The following ZNF618 variants were observed in gnomAD, a reference collection of about 807,000 sequenced individuals.
The protein encoded by ZNF618 is neural precursor cell expressed, developmentally down-regulated 10.
ZNF618 carries 34 observed loss-of-function variants against 103.0 expected under a neutral mutation model. The observed-to-expected ratio is 0.33, with a 90% confidence interval of 0.25 to 0.44. The LOEUF (loss-of-function observed/expected upper bound fraction) is 0.44, where lower values mean the gene tolerates loss of function less well. Among genes scored for constraint, ZNF618 ranks in the 20% least tolerant of loss-of-function variants. ZNF618 has a pLI of 1.00. For synonymous variants in ZNF618, 551 were observed against 542.2 expected (o/e 1.02, Z -0.23); for missense variants, 1,059 against 1,295.4 (o/e 0.82, Z 2.80).
intron 1 of ZNF618, among the ~76,000 whole-genome samples, chr9:113,923,022 G>A (rs1226629067): frequency 1.3e-5 from 2 of 151,882 alleles, no homozygotes; most frequent in Non-Finnish European, 2.9e-5. Flanking sequence ...TACATGTTTT[G>A]TTAAGTATTT....
At chr9:114,020,832 G>A (rs545182417) in intron 10 of ZNF618, among the ~76,000 whole-genome samples, 8 of 151,808 alleles carry the variant, frequency 5.3e-5, no homozygotes, top group Admixed American at 3.3e-4. Context: ...CCAGTACAAT[G>A]TTGAATAGAA....
intron 13 of ZNF618, among the ~76,000 whole-genome samples, chr9:114,046,490 A>G (rs1845666234): frequency 6.6e-6 from 1 of 152,194 alleles, no homozygotes. Context: ...GTGTAAGTAC[A>G]CTTTATGATG....
intron 13 of ZNF618, among the ~76,000 whole-genome samples, chr9:114,043,913 C>A (rs1845431927): frequency 6.6e-6 from 1 of 151,986 alleles, no homozygotes; most frequent in Non-Finnish European, 1.5e-5. Flanking sequence ...TTTGTTCTTG[C>A]TGATTTGTTT....
chr9:113,926,620 G>T (rs1189263659), intron 1 of ZNF618, among the ~76,000 whole-genome samples: 1 of 151,462 alleles, frequency 6.6e-6, no homozygotes, highest in African/African-American at 2.4e-5. Flanking sequence ...AATTTCTTTT[G>T]ATTCTCTCTT....
intron 1 of ZNF618, among the ~76,000 whole-genome samples, chr9:113,883,769 A>G (rs1322007721): frequency 6.6e-6 from 1 of 152,122 alleles, no homozygotes; most frequent in East Asian, 1.9e-4. Context: ...CCACGTTTCC[A>G]TATTTCTGAA....
rs111629249 is a variant in ZNF618 at position 114,044,064 on chromosome 9, A to G, written c.1247-3829A>G. ...AAGCTTTTGTGTTTAAGTCCCATCT[A>G]TCTCTTTGTTTTTGGTGCATTTGCT... On this transcript the variant is annotated intron_variant, in intron 13 of 14. Transcript: ENST00000374126. Among the ~76,000 whole-genome samples the G allele has an allele frequency of 7.9e-5, 12 of 152,088 alleles. 2 individuals are homozygous for G. The highest frequency in any genetic ancestry group is 2.1e-4 in the South Asian group (1 of 4,814).
chr9:113,897,141 C>T (rs571692381), intron 1 of ZNF618, among the ~76,000 whole-genome samples: 59 of 152,028 alleles, frequency 3.9e-4, no homozygotes, highest in Non-Finnish European at 6.8e-4. Flanking sequence ...GGAACTTACC[C>T]CCGTTTATAT....
chr9:114,033,435 A>T (rs1411721077), intron 12 of ZNF618, among the ~76,000 whole-genome samples: 5 of 151,734 alleles, frequency 3.3e-5, no homozygotes, highest in Non-Finnish European at 5.9e-5. Context: ...TGAGAGCCAG[A>T]GGCTCCAAGT....
intron 7 of ZNF618, 26 bp from the exon 8 acceptor site, chr9:114,008,318 G>A (rs1369739250): frequency 1.5e-5 from 24 of 1,612,726 alleles, no homozygotes; most frequent in South Asian, 2.2e-5. Flanking sequence ...TTCCTTCTGC[G>A]GCTGCCGCCT....
chr9:113,910,731 CAG>C (rs1187580969), intron 1 of ZNF618, among the ~76,000 whole-genome samples: 1 of 152,192 alleles, frequency 6.6e-6, no homozygotes, highest in Non-Finnish European at 1.5e-5. Context: ...CACCTGTGCT[CAG>C]GGCCCGTCTT....
chr9:114,016,877 TG>T (rs1411450226), intron 10 of ZNF618, 93 bp downstream of exon 10: 1 of 982,080 alleles, frequency 1.0e-6, no homozygotes, highest in Non-Finnish European at 1.5e-6. Flanking sequence ...GGCCAGGAAA[TG>T]GTGAAAGCAA....
intron 1 of ZNF618, among the ~76,000 whole-genome samples, chr9:113,881,328 A>C (rs992848259): frequency 6.6e-6 from 1 of 152,148 alleles, no homozygotes; most frequent in Non-Finnish European, 1.5e-5. Context: ...TAAATGTGTC[A>C]GGTCAGCGCT....
At chr9:114,018,379 A>G (rs1001362032) in intron 10 of ZNF618, among the ~76,000 whole-genome samples, 1 of 152,252 alleles carries the variant, frequency 6.6e-6, no homozygotes, top group Admixed American at 6.5e-5. Context: ...TTTGTTCTCC[A>G]GTGAAGCAGC....
chr9:113,984,812 C>T (rs557699839), intron 2 of ZNF618, among the ~76,000 whole-genome samples: 2 of 152,346 alleles, frequency 1.3e-5, no homozygotes, highest in East Asian at 1.9e-4. Flanking sequence ...TCTTTACCCC[C>T]CGGCTTGAAT....
chr9:113,908,593 G>A (rs968566651), intron 1 of ZNF618, among the ~76,000 whole-genome samples: 2 of 152,184 alleles, frequency 1.3e-5, no homozygotes, highest in African/African-American at 4.8e-5. Flanking sequence ...CGGGCCCTGG[G>A]TGCTGTGTCT....
At chr9:113,888,611 C>G (rs569802669) in intron 1 of ZNF618, among the ~76,000 whole-genome samples, 1 of 152,242 alleles carries the variant, frequency 6.6e-6, no homozygotes, top group Non-Finnish European at 1.5e-5. Flanking sequence ...GCTCACTGCC[C>G]TGATGGGACA....
intron 12 of ZNF618, among the ~76,000 whole-genome samples, chr9:114,035,776 C>G (rs1340853997): frequency 2.0e-5 from 3 of 152,102 alleles, no homozygotes; most frequent in Non-Finnish European, 4.4e-5. Flanking sequence ...GCATCAGATC[C>G]CCACTTCCTC....
chr9:113,909,915 G>A (rs1459779137), intron 1 of ZNF618, among the ~76,000 whole-genome samples: 1 of 152,028 alleles, frequency 6.6e-6, no homozygotes, highest in Non-Finnish European at 1.5e-5. Context: ...CTCCCGAGTA[G>A]CTGGGATTAT....
In ZNF618 at chr9:114,048,698, C is replaced by G; in HGVS notation, c.1396C>G (p.Arg466Gly). The change falls in exon 15 of 15, where the codon CGG becomes GGG. Residue 466 changes from arginine (R) to glycine (G), a missense_variant. Transcript: ENST00000374126. ...CAACAGCATGATCCCCGAAAAGGAG[C>G]GGCAGAACATCGCAGAGCGGCTGTT... ...TPNSMIPEKERQNIAERLLRV... is the reference protein window; with the variant it reads ...TPNSMIPEKEGQNIAERLLRV... 6.2e-7 allele frequency: 1 copy of G among 1,613,890 alleles called. No homozygotes were observed. The highest frequency in any genetic ancestry group is 8.5e-7 in the Non-Finnish European group (1 of 1,179,840).
Sources: allele counts gnomAD v4.1 joint callset (sites outside exome capture counted in the v4.1 genomes callset), GRCh38; gene constraint gnomAD v4.1.1; transcripts MANE v1.5; gene names NCBI Gene and HGNC (gene_info 2026-07-23, HGNC 2026-07-21).